COG5: variants seen among roughly 807,000 people sequenced by gnomAD.
COG5 encodes the protein conserved oligomeric Golgi complex subunit 5.
COG5 carries 86 observed loss-of-function variants against 110.4 expected under a neutral mutation model. The observed-to-expected ratio is 0.78, with a 90% CI of 0.65 to 0.93. COG5 has a LOEUF of 0.93. Ranked by LOEUF, COG5 falls within the 40% of genes least tolerant of loss-of-function variation. The pLI is 0.00. For missense variants in COG5, 1,077 were observed against 987.0 expected (o/e 1.09, Z -1.22); for synonymous variants, 360 against 334.6 (o/e 1.08, Z -0.83).
In COG5 at chr7:107,225,125, T is replaced by C. The variant is rs149679572; in HGVS notation, c.2168+5490A>G. On this transcript the variant is annotated intron_variant, in intron 19 of 21. Coordinates refer to ENST00000297135, the MANE Select transcript of COG5 (RefSeq NM_006348.5). ...CAGCTGGCACTGTCATCTTCCATTA[T>C]GAAGGGACCCCTGAACTGAGCCCAT... is the stretch of plus-strand genomic sequence containing the variant. 8.5e-5 allele frequency among the ~76,000 whole-genome samples: 13 copies of C among 152,304 alleles called. No homozygotes were observed. In the East Asian group the frequency reaches 2.3e-3, roughly 27 times the overall value.
intron 5 of COG5, among the ~76,000 whole-genome samples, chr7:107,538,773 C>T (rs1462359606): frequency 6.8e-6 from 1 of 146,826 alleles, no homozygotes; most frequent in Non-Finnish European, 1.5e-5. Context: ...AAAGCACACA[C>T]AAATATTATT....
intron 6 of COG5, among the ~76,000 whole-genome samples, chr7:107,509,947 G>C (rs1799369585): frequency 2.0e-5 from 3 of 152,120 alleles, no homozygotes; most frequent in South Asian, 4.1e-4. Flanking sequence ...GCAAAAACAT[G>C]ACAAAATGTA....
intron 6 of COG5, among the ~76,000 whole-genome samples, chr7:107,510,205 C>G (rs2129143331): frequency 6.6e-6 from 1 of 152,066 alleles, no homozygotes; most frequent in South Asian, 2.1e-4. Context: ...GGAGGAAGAT[C>G]TACCAAGCAA....
intron 7 of COG5, among the ~76,000 whole-genome samples, chr7:107,405,658 A>C (rs1465308905): frequency 6.6e-6 from 1 of 152,128 alleles, no homozygotes; most frequent in Non-Finnish European, 1.5e-5. Flanking sequence ...CAGATAATAC[A>C]TTTTCTCCCT....
chr7:107,463,672 A>C (rs1305952467), intron 6 of COG5, among the ~76,000 whole-genome samples: 1 of 152,182 alleles, frequency 6.6e-6, no homozygotes, highest in Non-Finnish European at 1.5e-5. Flanking sequence ...AGACCAAGGA[A>C]TTTAACATAT....
At chr7:107,397,827 C>T (rs1463402804) in intron 7 of COG5, among the ~76,000 whole-genome samples, 1 of 151,662 alleles carries the variant, frequency 6.6e-6, no homozygotes, top group East Asian at 1.9e-4. Context: ...AGGCAGAAAT[C>T]GTTGATATTA....
intron 10 of COG5, among the ~76,000 whole-genome samples, chr7:107,339,261 T>C (rs963635648): frequency 6.6e-5 from 10 of 151,850 alleles, no homozygotes; most frequent in African/African-American, 2.2e-4. Flanking sequence ...CCAACAACAG[T>C]AAAAAACGAT....
chr7:107,216,376 T>G (rs1398042829), intron 19 of COG5, among the ~76,000 whole-genome samples: 2 of 152,204 alleles, frequency 1.3e-5, no homozygotes, highest in Non-Finnish European at 2.9e-5. Context: ...ACAATGAACT[T>G]GAACTACATT....
At position 107,258,386 on chromosome 7, in the gene COG5, G is replaced by A. The variant is rs370554668; in HGVS notation, c.1576-3C>T. Reference sequence around the variant, plus strand: ...CTTGCATCTCCTTGTGTGGAGAGCTGTAAGAATTCAATTTCAAAAGAATGT... The same window carrying A: ...CTTGCATCTCCTTGTGTGGAGAGCTATAAGAATTCAATTTCAAAAGAATGT... On this transcript the variant is annotated splice_polypyrimidine_tract_variant and splice_region_variant and intron_variant, in intron 14 of 21. Transcript: ENST00000297135. 59 of 1,550,124 alleles carry A rather than the reference G, an allele frequency of 3.8e-5. No homozygotes were observed. The highest frequency in any genetic ancestry group is 5.1e-5 in the Non-Finnish European group (57 of 1,122,196).
intron 14 of COG5, among the ~76,000 whole-genome samples, chr7:107,260,692 TA>T (rs1366389109): frequency 3.3e-5 from 5 of 151,764 alleles, no homozygotes; most frequent in Non-Finnish European, 5.9e-5. Flanking sequence ...CAAAGCTACA[TA>T]AAAAAAATTA....
At chr7:107,290,956 G>A (rs540383472) in intron 12 of COG5, among the ~76,000 whole-genome samples, 21 of 152,220 alleles carry the variant, frequency 1.4e-4, no homozygotes, top group East Asian at 1.4e-3. Flanking sequence ...GCACCCAGCC[G>A]ATTGTATAGT....
chr7:107,220,932 C>T (rs1181134395), intron 19 of COG5, among the ~76,000 whole-genome samples: 1 of 151,766 alleles, frequency 6.6e-6, no homozygotes, highest in Non-Finnish European at 1.5e-5. Flanking sequence ...ATTCTCCTGC[C>T]TCAGCTTCCC....
intron 11 of COG5, among the ~76,000 whole-genome samples, chr7:107,306,208 AT>A (rs1807704258): frequency 6.6e-6 from 1 of 152,194 alleles, no homozygotes; most frequent in Non-Finnish European, 1.5e-5. Flanking sequence ...TGTCTAGAGT[AT>A]TATTGGAAAA....
In COG5 at chr7:107,331,737, G is replaced by A. The variant is rs114016942; in HGVS notation, c.1027-7216C>T. 5.4e-3 allele frequency among the ~76,000 whole-genome samples: 824 copies of A among 152,078 alleles called. 8 individuals carry two copies. Among genetic ancestry groups the A allele is most frequent in the African/African-American group, 0.019 (802 of 41,498 alleles). On this transcript the variant is annotated intron_variant, in intron 10 of 21. Coordinates refer to ENST00000297135, the MANE Select transcript of COG5 (RefSeq NM_006348.5). ...GGATGAAGATTATGCAACCAAAATA[G>A]AATTTAAGAAGAAGCAGCAGGTGGG...
chr7:107,505,650 C>A (rs1243062656), intron 6 of COG5, among the ~76,000 whole-genome samples: 3 of 152,200 alleles, frequency 2.0e-5, no homozygotes, highest in African/African-American at 7.2e-5. Context: ...TGGGGCAGAG[C>A]TGCAGACTTT....
intron 11 of COG5, among the ~76,000 whole-genome samples, chr7:107,306,203 A>G (rs1351496201): frequency 1.3e-5 from 2 of 152,202 alleles, no homozygotes; most frequent in South Asian, 4.1e-4. Flanking sequence ...ATAATTGTCT[A>G]GAGTATTATT....
rs77491774 is a variant in COG5 at position 107,438,546 on chromosome 7, C to T, written c.539-25914G>A. 2.1e-3 allele frequency among the ~76,000 whole-genome samples: 313 copies of T among 152,338 alleles called. 1 individual carries two copies. Among genetic ancestry groups the T allele is most frequent in the African/African-American group, 7.2e-3 (300 of 41,570 alleles). ...TAGCAAACTTGCTTGTTTTTCTCTTCTTACTCTGTCTTTTGTTATAGGACT... is the reference window on the plus strand; with the variant it reads ...TAGCAAACTTGCTTGTTTTTCTCTTTTTACTCTGTCTTTTGTTATAGGACT... On this transcript the variant is annotated intron_variant, in intron 6 of 21. Transcript: ENST00000297135.
chr7:107,408,270 G>A (rs1792009454), intron 7 of COG5, among the ~76,000 whole-genome samples: 1 of 152,276 alleles, frequency 6.6e-6, no homozygotes, highest in South Asian at 2.1e-4. Flanking sequence ...AAACTAAATG[G>A]CCTATAAAAT....
Position 107,527,257 on chromosome 7 carries a change from G to A in COG5, c.518C>T (p.Ala173Val). Residue 173 changes from alanine to valine, a missense_variant, in exon 6 of 22, where the codon GCT becomes GTT. Ala to Val is a moderately conservative substitution (Grantham distance 64, BLOSUM62 0). Transcript: ENST00000297135. ...QGGSREITKA[A>V]QSLNELDYLS... The stretch of plus-strand genomic sequence containing the variant: ...CTTACCAAGTTCATTGAGACTCTGA[G>A]CAGCTTTTGTTATCTCTCTACTTCC... 6.3e-7 allele frequency: 1 copy of A among 1,598,246 alleles called. No individual in the cohort carries two copies. Among genetic ancestry groups the A allele is most frequent in the East Asian group, 2.2e-5 (1 of 44,478 alleles).
Sources: allele counts gnomAD v4.1 joint callset (sites outside exome capture counted in the v4.1 genomes callset), GRCh38; gene constraint gnomAD v4.1.1; transcripts MANE v1.5; gene names NCBI Gene and HGNC (gene_info 2026-07-23, HGNC 2026-07-21).